COX20: variants seen among roughly 807,000 people sequenced by gnomAD.
COX20 encodes the protein cytochrome c oxidase assembly protein COX20, mitochondrial.
COX20 carries 14 observed loss-of-function variants against 14.3 expected under a neutral mutation model. That is an observed-to-expected ratio of 0.98 (90% confidence interval 0.65 to 1.53). The LOEUF (loss-of-function observed/expected upper bound fraction) is 1.53, where lower values mean the gene tolerates loss of function less well. Ranked by LOEUF, COX20 falls within the 40% of genes most tolerant of loss-of-function variation. The pLI, the probability that COX20 is intolerant of heterozygous loss-of-function variation, is 0.00. For missense variants in COX20, 149 were observed against 142.1 expected (o/e 1.05, Z -0.25); for synonymous variants, 56 against 51.7 (o/e 1.08, Z -0.36).
In COX20 at chr1:244,845,039, A is replaced by G. The variant is rs895677631; in HGVS notation, c.*1863A>G. On this transcript the variant is annotated 3_prime_UTR_variant, in exon 4 of 4. Coordinates refer to ENST00000411948, the MANE Select transcript of COX20 (RefSeq NM_198076.6). ...TTACTTATAATGTCTAATACAAAAT[A>G]AATGCTATGTAAATGTAATTATTAT... 3.0e-5 allele frequency: 5 copies of G among 166,280 alleles called. No individual in the cohort carries two copies. The highest frequency in any genetic ancestry group is 7.3e-5 in the Non-Finnish European group (5 of 68,120). 10.3% of individuals were successfully genotyped at this position (166,280 alleles called of 1,614,324 possible). A position where few individuals can be genotyped will look rare whatever the true frequency, so the allele number is the denominator to read the frequency against.
intron 1 of COX20, among the ~76,000 whole-genome samples, chr1:244,837,786 C>A (rs1680042542): frequency 6.6e-6 from 1 of 152,156 alleles, no homozygotes. Flanking sequence ...CGGTAATAAC[C>A]ATCTCGGCTT....
chr1:244,842,050 T>G lies in COX20; in HGVS notation c.149T>G (p.Leu50Trp), dbSNP rs777552157. 20 of 1,596,528 alleles carry G rather than the reference T, an allele frequency of 1.3e-5. No homozygotes were observed. The East Asian group carries it at 4.5e-4, about 36-fold the overall frequency. Residue 50 changes from leucine (L) to tryptophan (W), a missense_variant, in exon 2 of 4, where the codon TTG becomes TGG. By Grantham distance (61) the Leu-to-Trp change is moderately conservative. Coordinates refer to ENST00000411948, the MANE Select transcript of COX20 (RefSeq NM_198076.6). Reference sequence around the variant, plus strand: ...GTTGTGGCTGGCTTTGGACATTTTTTGTTCACTAGTGAGTATCTGTATTTT... The same window carrying G: ...GTTGTGGCTGGCTTTGGACATTTTTGGTTCACTAGTGAGTATCTGTATTTT... ...GSVVAGFGHF[L>W]FTSRIRRSCD...
Position 244,835,670 on chromosome 1 carries a change from G to T in COX20, c.-45G>T. On this transcript the variant is annotated 5_prime_UTR_variant, in exon 1 of 4. Transcript: ENST00000411948. ...CGCGGCCAGCCGGGCTTCTGCTTCC[G>T]CGACCCCGGCGGTGCAGGGCGGGTG... 2 of 1,234,592 alleles carry T rather than the reference G, an allele frequency of 1.6e-6. No individual in the cohort carries two copies. Among genetic ancestry groups the T allele is most frequent in the Non-Finnish European group, 2.0e-6 (2 of 987,576 alleles). The allele number at this position is 1,234,592 out of a possible 1,614,324, so 76.5% of individuals were successfully genotyped here. A position where few individuals can be genotyped will look rare whatever the true frequency, so the allele number is the denominator to read the frequency against.
chr1:244,842,112 A>T, intron 2 of COX20, 54 bp downstream of exon 2: 1 of 1,497,992 alleles, frequency 6.7e-7, no homozygotes, highest in Non-Finnish European at 9.3e-7. Flanking sequence ...ATTTCTCTAC[A>T]TAATGAACTA....
At chr1:244,836,964 A>T (rs1231449369) in intron 1 of COX20, among the ~76,000 whole-genome samples, 6 of 89,146 alleles carry the variant, frequency 6.7e-5, no homozygotes, top group Non-Finnish European at 1.3e-4. Context: ...CTTAGTGTTT[A>T]AAAAAAAAAA....
intron 1 of COX20, among the ~76,000 whole-genome samples, chr1:244,838,788 G>A (rs192020114): frequency 6.6e-6 from 1 of 151,840 alleles, no homozygotes; most frequent in Non-Finnish European, 1.5e-5. Flanking sequence ...GTGTATAGAG[G>A]ATTTTTGGGT....
chr1:244,835,526 A>G, upstream of COX20: 1 of 397,256 alleles, frequency 2.5e-6, no homozygotes, highest in Non-Finnish European at 4.4e-6. Flanking sequence ...GGAACAAAGG[A>G]CATGACAGCC....
In COX20 at chr1:244,843,346, G is replaced by T; in HGVS notation, c.*170G>T. 1.5e-6 allele frequency: 1 copy of T among 648,484 alleles called. No individual in the cohort carries two copies. The highest frequency in any genetic ancestry group is 2.6e-6 in the Non-Finnish European group (1 of 385,954). 40.2% of individuals were successfully genotyped at this position (648,484 alleles called of 1,614,324 possible). A position where few individuals can be genotyped will look rare whatever the true frequency, so the allele number is the denominator to read the frequency against. ...AGTTTATTCTGGCCCTGTGTCTACT[G>T]CCAGGATAGCATTCTTACGTGTTAC... On this transcript the variant is annotated 3_prime_UTR_variant, in exon 4 of 4. Coordinates refer to ENST00000411948, the MANE Select transcript of COX20 (RefSeq NM_198076.6).
Position 244,844,172 on chromosome 1 carries a change from T to C in COX20, c.*996T>C, listed in dbSNP as rs1411315210. The C allele has an allele frequency of 1.3e-5, 2 of 152,264 alleles. No individual in the cohort carries two copies. The highest frequency in any genetic ancestry group is 3.4e-3 in the Middle Eastern group (1 of 294). 9.4% of individuals were successfully genotyped at this position (152,264 alleles called of 1,614,324 possible). On this transcript the variant is annotated 3_prime_UTR_variant, in exon 4 of 4. Coordinates refer to ENST00000411948, the MANE Select transcript of COX20 (RefSeq NM_198076.6). ...CAGAAATCGAGCAAGGAAGAAAATA[T>C]TAGTTATTTTGATCTACATCTTTTT...
Position 244,843,271 on chromosome 1 carries a change from T to C in COX20, c.*95T>C. The C allele has an allele frequency of 7.1e-7, 1 of 1,407,048 alleles. No homozygotes were observed. Among genetic ancestry groups the C allele is most frequent in the Non-Finnish European group, 9.6e-7 (1 of 1,040,602 alleles). 87.2% of individuals were successfully genotyped at this position (1,407,048 alleles called of 1,614,324 possible). A position where few individuals can be genotyped will look rare whatever the true frequency, so the allele number is the denominator to read the frequency against. ...AAGCTCTCAATCAAGTAAATAAAGTTTAAGTTGTAGTCATTTTTTTCCCAC... is the reference window on the plus strand; with the variant it reads ...AAGCTCTCAATCAAGTAAATAAAGTCTAAGTTGTAGTCATTTTTTTCCCAC... On this transcript the variant is annotated 3_prime_UTR_variant, in exon 4 of 4. Coordinates refer to ENST00000411948, the MANE Select transcript of COX20 (RefSeq NM_198076.6).
rs1483601865 is a variant in COX20 at position 244,843,833 on chromosome 1, AATTACT to A, written c.*662_*667del. ...TGATGCAATAGTAAAACAACTGCAG[AATTACT>A]ATTAATGTAAACAATCCATTTGAAA... On this transcript the variant is annotated 3_prime_UTR_variant, in exon 4 of 4. Transcript: ENST00000411948. The A allele has an allele frequency of 1.3e-5, 2 of 152,210 alleles. No homozygotes were observed. The highest frequency in any genetic ancestry group is 4.8e-5 in the African/African-American group (2 of 41,442). The allele number at this position is 152,210 out of a possible 1,614,324, so 9.4% of individuals were successfully genotyped here. A position where few individuals can be genotyped will look rare whatever the true frequency, so the allele number is the denominator to read the frequency against.
At position 244,838,024 on chromosome 1, in the gene COX20, C is replaced by CA. The variant is rs530613439; in HGVS notation, c.42+2278dup. ...ATAGGACAGGTTGAGCTTCCCAATT[C>CA]AAAAAAAAAATTGTCTTTTGATGTA... On this transcript the variant is annotated intron_variant, in intron 1 of 3. Coordinates refer to ENST00000411948, the MANE Select transcript of COX20 (RefSeq NM_198076.6). 1.2e-3 allele frequency among the ~76,000 whole-genome samples: 184 copies of CA among 148,958 alleles called. 2 individuals are homozygous for CA. The highest frequency in any genetic ancestry group is 5.9e-3 in the South Asian group (28 of 4,708).
At position 244,841,963 on chromosome 1, in the gene COX20, T is replaced by A; in HGVS notation, c.62T>A (p.Phe21Tyr). Residue 21 changes from phenylalanine (F) to tyrosine (Y), a missense_variant, in exon 2 of 4, where the codon TTT becomes TAT. Phe to Tyr is a conservative substitution (Grantham distance 22, BLOSUM62 3). Coordinates refer to ENST00000411948, the MANE Select transcript of COX20 (RefSeq NM_198076.6). Reference sequence around the variant, plus strand: ...TTCTAGTCCCTTAAGCTCCTAGGATTTTTAGATGTTGAAAATACTCCCTGC... The same window carrying A: ...TTCTAGTCCCTTAAGCTCCTAGGATATTTAGATGTTGAAAATACTCCCTGC... ...EERKSLKLLG[F>Y]LDVENTPCAR... The A allele has an allele frequency of 1.9e-6, 3 of 1,598,294 alleles. No homozygotes were observed. The highest frequency in any genetic ancestry group is 2.6e-6 in the Non-Finnish European group (3 of 1,167,510).
At chr1:244,839,618 CT>C (rs1680115729) in intron 1 of COX20, 1 of 152,172 alleles carries the variant, frequency 6.6e-6, no homozygotes, top group Admixed American at 6.5e-5. Flanking sequence ...TTCATCTCCA[CT>C]TCTGAGCATT....
chr1:244,837,996 T>G (rs1409401809), intron 1 of COX20, among the ~76,000 whole-genome samples: 2 of 152,190 alleles, frequency 1.3e-5, no homozygotes, highest in Admixed American at 6.5e-5. Flanking sequence ...AGATGGTAAT[T>G]TGATAGGACA....
chr1:244,835,573 T>C (rs1679938210), upstream of COX20: 2 of 519,864 alleles, frequency 3.8e-6, no homozygotes, highest in South Asian at 9.4e-5. Context: ...TTAGGAACAT[T>C]CCCTAAAATG....
Position 244,843,390 on chromosome 1 carries a change from C to G in COX20, c.*214C>G. On this transcript the variant is annotated 3_prime_UTR_variant, in exon 4 of 4. Transcript: ENST00000411948. ...GTGTTACATATAGTGGACTTGTCAT[C>G]CTTAAAATGTGAACAGAATTTATTG... The G allele has an allele frequency of 2.0e-6, 1 of 501,404 alleles. No individual in the cohort carries two copies. The highest frequency in any genetic ancestry group is 3.5e-6 in the Non-Finnish European group (1 of 282,830). The allele number at this position is 501,404 out of a possible 1,614,324, so 31.1% of individuals were successfully genotyped here.
chr1:244,841,679 G>T, intron 1 of COX20: 1 of 330,402 alleles, frequency 3.0e-6, no homozygotes, highest in Non-Finnish European at 5.6e-6. Flanking sequence ...CAAGTCAGTT[G>T]ATTAGCAAAT....
At chr1:244,838,930 C>A (rs1417154309) in intron 1 of COX20, among the ~76,000 whole-genome samples, 1 of 152,126 alleles carries the variant, frequency 6.6e-6, no homozygotes, top group Non-Finnish European at 1.5e-5. Context: ...GCTGGGATTA[C>A]AGGCATGTGC....
Sources: allele counts gnomAD v4.1 joint callset (sites outside exome capture counted in the v4.1 genomes callset), GRCh38; gene constraint gnomAD v4.1.1; transcripts MANE v1.5; gene names NCBI Gene and HGNC (gene_info 2026-07-23, HGNC 2026-07-21).